GPHN: variants seen among roughly 807,000 people sequenced by gnomAD.
GPHN encodes gephyrin.
A neutral mutation model predicts 95.5 loss-of-function variants in GPHN; 17 were observed. The ratio of observed to expected loss-of-function variants is 0.18; its 90% CI spans 0.12 to 0.27. The LOEUF (loss-of-function observed/expected upper bound fraction) is 0.27, where lower values mean the gene tolerates loss of function less well. GPHN is among the 10% of genes least tolerant of loss of function. The probability of loss-of-function intolerance (pLI) is 1.00; values close to 1 mark genes in which losing one functional copy is unlikely to be tolerated. For missense variants in GPHN, 660 were observed against 978.1 expected (o/e 0.67, Z 4.34); for synonymous variants, 320 against 322.5 (o/e 0.99, Z 0.08).
the GPHN span, among the ~76,000 whole-genome samples, chr14:67,513,784 G>C: frequency 6.6e-6 from 1 of 152,058 alleles, no homozygotes; most frequent in Admixed American, 6.5e-5. Context: ...CTTCCAAACA[G>C]GGAAAAAAAT....
At chr14:66,830,408 A>T (rs2061541850) in intron 4 of GPHN, among the ~76,000 whole-genome samples, 1 of 152,148 alleles carries the variant, frequency 6.6e-6, no homozygotes, top group South Asian at 2.1e-4. Context: ...TGCACTTTAA[A>T]AATTAATACA....
chr14:66,758,295 C>T (rs1200594444), intron 2 of GPHN, among the ~76,000 whole-genome samples: 1 of 152,062 alleles, frequency 6.6e-6, no homozygotes, highest in African/African-American at 2.4e-5. Context: ...GGGGACCCAC[C>T]CCCTATCTGC....
At chr14:67,624,950 C>T in the GPHN span, among the ~76,000 whole-genome samples, 3 of 152,288 alleles carry the variant, frequency 2.0e-5, no homozygotes, top group South Asian at 6.2e-4. Context: ...CCTGCAATCA[C>T]AGTGAAACCA....
chr14:67,674,288 G>A, the GPHN span: 6 of 1,266,416 alleles, frequency 4.7e-6, no homozygotes, highest in Non-Finnish European at 6.3e-6. Flanking sequence ...GGAGACGCGG[G>A]CCCGGGTCTG....
the GPHN span, among the ~76,000 whole-genome samples, chr14:67,284,022 G>T: frequency 6.6e-6 from 1 of 151,902 alleles, no homozygotes; most frequent in Non-Finnish European, 1.5e-5. Context: ...ATTGACTTTG[G>T]GCATGTTACT....
chr14:67,495,244 A>T, the GPHN span, among the ~76,000 whole-genome samples: 1 of 152,108 alleles, frequency 6.6e-6, no homozygotes, highest in Non-Finnish European at 1.5e-5. Flanking sequence ...TCCCTCCTGG[A>T]AACATTTCCT....
At chr14:66,534,884 T>C (rs1291512390) in intron 1 of GPHN, among the ~76,000 whole-genome samples, 1 of 152,176 alleles carries the variant, frequency 6.6e-6, no homozygotes, top group Non-Finnish European at 1.5e-5. Context: ...ATTCTGAATA[T>C]GAGACCTTTG....
chr14:67,145,113 A>T (rs543722680), intron 18 of GPHN, among the ~76,000 whole-genome samples: 1 of 152,208 alleles, frequency 6.6e-6, no homozygotes. Flanking sequence ...TGCCTGTGGT[A>T]CTCTCAATAT....
chr14:67,040,987 C>A (rs2074673048), intron 10 of GPHN, among the ~76,000 whole-genome samples: 1 of 152,066 alleles, frequency 6.6e-6, no homozygotes, highest in South Asian at 2.1e-4. Context: ...TTTCTTGAGG[C>A]TTTTACCTTC....
At chr14:67,695,363 G>C in the GPHN span, among the ~76,000 whole-genome samples, 1 of 152,198 alleles carries the variant, frequency 6.6e-6, no homozygotes. Context: ...CCTGGAGCCA[G>C]AATCAGGGGG....
chr14:67,363,377 C>G, the GPHN span, among the ~76,000 whole-genome samples: 2 of 152,012 alleles, frequency 1.3e-5, no homozygotes, highest in Admixed American at 6.6e-5. Context: ...ATATGCTGCT[C>G]TTTGTTGTCA....
the GPHN span, among the ~76,000 whole-genome samples, chr14:67,186,949 A>AGC: frequency 6.6e-6 from 1 of 152,194 alleles, no homozygotes; most frequent in Non-Finnish European, 1.5e-5. Flanking sequence ...AAAAACGAAA[A>AGC]TAAGCCCACA....
At chr14:66,912,507 C>G (rs1208618590) in intron 5 of GPHN, among the ~76,000 whole-genome samples, 1 of 152,072 alleles carries the variant, frequency 6.6e-6, no homozygotes, top group Non-Finnish European at 1.5e-5. Context: ...CATGCTGAAT[C>G]AGATACATGA....
chr14:66,818,803 AGAT>A (rs1367989477), intron 3 of GPHN, among the ~76,000 whole-genome samples: 2 of 152,068 alleles, frequency 1.3e-5, no homozygotes, highest in African/African-American at 2.4e-5. Flanking sequence ...GACTTGCATG[AGAT>A]GATATCTCGT....
At chr14:66,587,506 A>G (rs2061470637) in intron 1 of GPHN, among the ~76,000 whole-genome samples, 1 of 152,184 alleles carries the variant, frequency 6.6e-6, no homozygotes, top group Non-Finnish European at 1.5e-5. Flanking sequence ...ATTCAGTAAC[A>G]CATTATAAGG....
At chr14:67,261,563 A>G in the GPHN span, among the ~76,000 whole-genome samples, 1 of 152,166 alleles carries the variant, frequency 6.6e-6, no homozygotes, top group South Asian at 2.1e-4. Flanking sequence ...ATTATTAAAA[A>G]CAGTTTGTCA....
rs555137640 is a variant in GPHN, at chr14:66,932,104, G to A, written c.828+7812G>A. Reference sequence around the variant, plus strand: ...CAACTCTAGTAATGCTGTGAGTCTTGCAGAGGTACTCTGACTCTTATAGAG... The same window carrying A: ...CAACTCTAGTAATGCTGTGAGTCTTACAGAGGTACTCTGACTCTTATAGAG... On this transcript the variant is annotated intron_variant, in intron 8 of 22. Transcript: ENST00000478722. Among the ~76,000 whole-genome samples the A allele has an allele frequency of 1.1e-4, 17 of 152,340 alleles. 1 individual carries two copies. In the South Asian group the frequency reaches 3.5e-3, roughly 32 times the overall value.
At chr14:67,163,910 A>T (rs549180235) in intron 19 of GPHN, among the ~76,000 whole-genome samples, 2 of 151,942 alleles carry the variant, frequency 1.3e-5, no homozygotes, top group East Asian at 3.9e-4. Context: ...CTTCCACCCC[A>T]CCTCCTATGA....
At chr14:67,555,340 G>A in the GPHN span, among the ~76,000 whole-genome samples, 2 of 152,264 alleles carry the variant, frequency 1.3e-5, no homozygotes, top group African/African-American at 4.8e-5. Flanking sequence ...GCCCTCGACT[G>A]TGGGTGAGGA....
Sources: allele counts gnomAD v4.1 joint callset (sites outside exome capture counted in the v4.1 genomes callset), GRCh38; gene constraint gnomAD v4.1.1; transcripts MANE v1.5; gene names NCBI Gene and HGNC (gene_info 2026-07-23, HGNC 2026-07-21).